RGS2: variants seen among roughly 807,000 people sequenced by gnomAD.
RGS2 encodes G0 to G1 switch regulatory 8, 24kD.
In RGS2, 20 loss-of-function variants were observed where a neutral mutation model predicts 26.6. The ratio of observed to expected loss-of-function variants is 0.75; its 90% confidence interval spans 0.53 to 1.09. The LOEUF (loss-of-function observed/expected upper bound fraction) is 1.09, where lower values mean the gene tolerates loss of function less well. Ranked by LOEUF, RGS2 falls within the 50% of genes least tolerant of loss-of-function variation. The pLI is 0.00. For synonymous variants in RGS2, 97 were observed against 79.9 expected, an observed-to-expected ratio of 1.21 and a Z score of -1.14; for missense variants, 246 against 245.5, an observed-to-expected ratio of 1.00 and a Z score of -0.01.
intron 3 of RGS2, 59 bp downstream of exon 3, chr1:192,810,490 G>C: frequency 6.7e-7 from 1 of 1,489,010 alleles, no homozygotes; most frequent in Middle Eastern, 1.9e-4. Context: ...GAAAGGCTGC[G>C]TCCACCTAAC....
At position 192,811,083 on chromosome 1, in the gene RGS2, A is replaced by G. The variant is rs1385344765; in HGVS notation, c.377A>G (p.Gln126Arg). The change falls in exon 4 of 5, where the codon CAA becomes CGA. Residue 126 changes from glutamine (Q) to arginine (R), a missense_variant. Coordinates refer to ENST00000235382, the MANE Select transcript of RGS2 (RefSeq NM_002923.4). ...CEDFKKTKSP[Q>R]KLSSKARKIY... Reference sequence around the variant, plus strand: ...GACTTCAAAAAAACCAAATCACCCCAAAAGCTGTCCTCAAAAGCAAGGAAA... The same window carrying G: ...GACTTCAAAAAAACCAAATCACCCCGAAAGCTGTCCTCAAAAGCAAGGAAA... The G allele has an allele frequency of 4.3e-6, 7 of 1,614,176 alleles. No individual in the cohort carries two copies. The South Asian group carries it at 7.7e-5, about 18-fold the overall frequency.
chr1:192,811,710 C>T lies in RGS2; in HGVS notation c.*114C>T. Reference sequence around the variant, plus strand: ...TTCAGCCTGGGTGTTCAGGAAACATCACTCAGAACTATTGATTCAAAGTTG... The same window carrying T: ...TTCAGCCTGGGTGTTCAGGAAACATTACTCAGAACTATTGATTCAAAGTTG... On this transcript the variant is annotated 3_prime_UTR_variant, in exon 5 of 5. Coordinates refer to ENST00000235382, the MANE Select transcript of RGS2 (RefSeq NM_002923.4). The T allele has an allele frequency of 9.8e-7, 1 of 1,017,548 alleles. No homozygotes were observed. Among genetic ancestry groups the T allele is most frequent in the East Asian group, 2.4e-5 (1 of 41,830 alleles). 63.0% of individuals were successfully genotyped at this position (1,017,548 alleles called of 1,614,324 possible).
In RGS2 at chr1:192,811,015, G is replaced by A. The variant is rs145396662; in HGVS notation, c.309G>A (p.Ser103=). The A allele has an allele frequency of 1.1e-4, 179 of 1,613,950 alleles. No homozygotes were observed. The highest frequency in any genetic ancestry group is 1.1e-3 in the African/African-American group (80 of 74,956). ...GLAAFRAFLK[S]EFCEENIEFW... ...CTGCATTCAGGGCTTTTTTAAAGTCGGAATTCTGTGAAGAAAATATTGAAT... is the reference window on the plus strand; with the variant it reads ...CTGCATTCAGGGCTTTTTTAAAGTCAGAATTCTGTGAAGAAAATATTGAAT... Residue 103 remains serine (S), a synonymous_variant, in exon 4 of 5, where the codon TCG becomes TCA. Coordinates refer to ENST00000235382, the MANE Select transcript of RGS2 (RefSeq NM_002923.4).
rs755076642 is a variant in RGS2, at chr1:192,810,974, C to T, written c.275-7C>T. On this transcript the variant is annotated splice_polypyrimidine_tract_variant and splice_region_variant and intron_variant, in intron 3 of 4. Coordinates refer to ENST00000235382, the MANE Select transcript of RGS2 (RefSeq NM_002923.4). ...ATTCTGCATGCTCTCTTTTCTCCCC[C>T]CTTCAGATGGTCTTGCTGCATTCAG... The T allele has an allele frequency of 3.7e-6, 6 of 1,613,498 alleles. No individual in the cohort carries two copies. The Admixed American group carries it at 6.7e-5, about 18-fold the overall frequency.
rs1362276677 is a variant in RGS2 at position 192,811,112 on chromosome 1, T to C, written c.406T>C (p.Tyr136His). Residue 136 changes from tyrosine to histidine, a missense_variant, in exon 4 of 5, where the codon TAT becomes CAT. Coordinates refer to ENST00000235382, the MANE Select transcript of RGS2 (RefSeq NM_002923.4). ...GCTGTCCTCAAAAGCAAGGAAAATA[T>C]ATACTGACTTCATAGAAAAGGAAGC... ...QKLSSKARKI[Y>H]TDFIEKEAPK... is the part of the protein sequence containing the mutation. The C allele has an allele frequency of 1.9e-6, 3 of 1,614,038 alleles. No homozygotes were observed. The highest frequency in any genetic ancestry group is 2.2e-5 in the East Asian group (1 of 44,886).
In RGS2 at chr1:192,811,301, G is replaced by T. The variant is rs975072476; in HGVS notation, c.442-101G>T. ...TTAAAGTTCTCCTGTGACTTAGCTAGTAAAGCTAATCACACATAATTTTTA... is the reference window on the plus strand; with the variant it reads ...TTAAAGTTCTCCTGTGACTTAGCTATTAAAGCTAATCACACATAATTTTTA... On this transcript the variant is annotated intron_variant, in intron 4 of 4. Transcript: ENST00000235382. 1.5e-4 allele frequency: 195 copies of T among 1,289,286 alleles called. 2 individuals carry two copies. In the South Asian group the frequency reaches 2.3e-3, roughly 15 times the overall value. 79.9% of individuals were successfully genotyped at this position (1,289,286 alleles called of 1,614,324 possible). A position where few individuals can be genotyped will look rare whatever the true frequency, so the allele number is the denominator to read the frequency against.
chr1:192,811,043 T>C lies in RGS2; in HGVS notation c.337T>C (p.Trp113Arg), dbSNP rs761395133. The change falls in exon 4 of 5, where the codon TGG (tryptophan) becomes CGG (arginine). Residue 113 changes from tryptophan (W) to arginine (R), a missense_variant. By Grantham distance (101) the Trp-to-Arg change is moderately radical. Coordinates refer to ENST00000235382, the MANE Select transcript of RGS2 (RefSeq NM_002923.4). ...ATTCTGTGAAGAAAATATTGAATTCTGGCTGGCCTGTGAAGACTTCAAAAA... is the reference window on the plus strand; with the variant it reads ...ATTCTGTGAAGAAAATATTGAATTCCGGCTGGCCTGTGAAGACTTCAAAAA... Reference protein sequence around the residue: ...SEFCEENIEFWLACEDFKKTK... With the variant: ...SEFCEENIEFRLACEDFKKTK... 5.0e-6 allele frequency: 8 copies of C among 1,614,124 alleles called. No homozygotes were observed. The highest frequency in any genetic ancestry group is 1.1e-5 in the South Asian group (1 of 91,082).
At chr1:192,810,498 A>G (rs1665574363) in intron 3 of RGS2, 67 bp downstream of exon 3, 1 of 1,419,888 alleles carries the variant, frequency 7.0e-7, no homozygotes, top group African/African-American at 1.4e-5. Flanking sequence ...GCGTCCACCT[A>G]ACAAAAGAGC....
At chr1:192,810,088 T>G (rs1394270256) in intron 1 of RGS2, 78 bp from the exon 2 acceptor site, 1 of 902,006 alleles carries the variant, frequency 1.1e-6, no homozygotes, top group Non-Finnish European at 1.8e-6. Context: ...TGACTTTATT[T>G]GGTAAAAATG....
At chr1:192,810,898 T>C in intron 3 of RGS2, 83 bp from the exon 4 acceptor site, 2 of 1,341,654 alleles carry the variant, frequency 1.5e-6, no homozygotes, top group Non-Finnish European at 1.1e-6. Context: ...ATAATTAAAA[T>C]GTGAGGGATA....
At position 192,810,985 on chromosome 1, in the gene RGS2, T is replaced by C; in HGVS notation, c.279T>C (p.Gly93=). The change falls in exon 4 of 5, where the codon GGT becomes GGC. Residue 93 remains glycine (G), a synonymous_variant. Coordinates refer to ENST00000235382, the MANE Select transcript of RGS2 (RefSeq NM_002923.4). ...AFDELLASKY[G]LAAFRAFLKS... The stretch of plus-strand genomic sequence containing the variant: ...TCTCTTTTCTCCCCCCTTCAGATGG[T>C]CTTGCTGCATTCAGGGCTTTTTTAA... 2 of 1,614,112 alleles carry C rather than the reference T, an allele frequency of 1.2e-6. No homozygotes were observed. The highest frequency in any genetic ancestry group is 8.5e-7 in the Non-Finnish European group (1 of 1,179,954).
Position 192,810,213 on chromosome 1 carries a change from C to T in RGS2, c.158C>T (p.Ser53Phe), listed in dbSNP as rs1319135304. 6.2e-7 allele frequency: 1 copy of T among 1,613,950 alleles called. No homozygotes were observed. The highest frequency in any genetic ancestry group is 1.1e-5 in the South Asian group (1 of 91,074). The change falls in exon 2 of 5, where the codon TCT becomes TTT. Residue 53 changes from serine (S) to phenylalanine (F), a missense_variant. Ser to Phe is a radical substitution (Grantham distance 155, BLOSUM62 -2). Coordinates refer to ENST00000235382, the MANE Select transcript of RGS2 (RefSeq NM_002923.4). ...TRLSYFLQNS[S>F]TPGKPKTGKK... is the part of the protein sequence containing the mutation. Reference sequence around the variant, plus strand: ...TTGAGCTACTTCTTACAAAATTCCTCTACTCCTGGGAAGCCCAAAACCGGC... The same window carrying T: ...TTGAGCTACTTCTTACAAAATTCCTTTACTCCTGGGAAGCCCAAAACCGGC...
chr1:192,810,891 A>G (rs1665579626), intron 3 of RGS2, 90 bp from the exon 4 acceptor site: 2 of 1,346,074 alleles, frequency 1.5e-6, no homozygotes, highest in Non-Finnish European at 2.1e-6. Flanking sequence ...TTTAGAAATA[A>G]TTAAAATGTG....
At position 192,810,358 on chromosome 1, in the gene RGS2, CCT is replaced by C; in HGVS notation, c.213-7_213-6del. 6.2e-7 allele frequency: 1 copy of C among 1,613,948 alleles called. No individual in the cohort carries two copies. The highest frequency in any genetic ancestry group is 2.2e-5 in the East Asian group (1 of 44,886). On this transcript the variant is annotated splice_polypyrimidine_tract_variant and intron_variant, in intron 2 of 4. Transcript: ENST00000235382. ...GATGTGCGTAAGCTAACATACAGAA[CCT>C]CTCTTGCAGGCCTTCTCCTGAGGAA... is the stretch of plus-strand genomic sequence containing the variant.
Position 192,811,952 on chromosome 1 carries a change from G to A in RGS2, c.*356G>A, listed in dbSNP as rs1306104472. On this transcript the variant is annotated 3_prime_UTR_variant, in exon 5 of 5. Coordinates refer to ENST00000235382, the MANE Select transcript of RGS2 (RefSeq NM_002923.4). ...TGGGATTATGTGGCCTTAGGTAGCT[G>A]GTTGTACATCTTTCCCTAAATCGAT... The A allele has an allele frequency of 3.1e-6, 1 of 324,076 alleles. No individual in the cohort carries two copies. The highest frequency in any genetic ancestry group is 4.5e-5 in the Admixed American group (1 of 22,090). The allele number at this position is 324,076 out of a possible 1,614,324, so 20.1% of individuals were successfully genotyped here. A position where few individuals can be genotyped will look rare whatever the true frequency, so the allele number is the denominator to read the frequency against.
At position 192,809,046 on chromosome 1, in the gene RGS2, G is replaced by T; in HGVS notation, c.-26G>T. ...TGCGACGCACGCCCAGCCGCAAACAGCCGGGGCTCCAGCGGGAGAACGATA... is the reference window on the plus strand; with the variant it reads ...TGCGACGCACGCCCAGCCGCAAACATCCGGGGCTCCAGCGGGAGAACGATA... On this transcript the variant is annotated 5_prime_UTR_variant, in exon 1 of 5. Transcript: ENST00000235382. 6.4e-7 allele frequency: 1 copy of T among 1,560,398 alleles called. No homozygotes were observed. The highest frequency in any genetic ancestry group is 2.2e-5 in the East Asian group (1 of 44,544).
intron 1 of RGS2, 92 bp from the exon 2 acceptor site, chr1:192,810,074 T>G: frequency 1.3e-6 from 1 of 797,490 alleles, no homozygotes; most frequent in South Asian, 1.4e-5. Context: ...CTCTAGTTAC[T>G]GGGTGACTTT....
At position 192,810,374 on chromosome 1, in the gene RGS2, T is replaced by G. The variant is rs781569392; in HGVS notation, c.217T>G (p.Ser73Ala). ...KSKQQAFIKP[S>A]PEEAQLWSEA... is the part of the protein sequence containing the mutation. ...CATACAGAACCTCTCTTGCAGGCCT[T>G]CTCCTGAGGAAGCACAGCTGTGGTC... The change falls in exon 3 of 5, where the codon TCT becomes GCT. Residue 73 changes from serine (S) to alanine (A), a missense_variant. Transcript: ENST00000235382. The G allele has an allele frequency of 3.1e-5, 50 of 1,614,058 alleles. No individual in the cohort carries two copies. Among genetic ancestry groups the G allele is most frequent in the African/African-American group, 1.9e-4 (14 of 74,930 alleles).
rs758347713 is a variant in RGS2, at chr1:192,811,116, C to G, written c.410C>G (p.Thr137Ser). ...TCCTCAAAAGCAAGGAAAATATATA[C>G]TGACTTCATAGAAAAGGAAGCTCCA... ...KLSSKARKIY[T>S]DFIEKEAPKE... is the part of the protein sequence containing the mutation. Residue 137 changes from threonine (T) to serine (S), a missense_variant, in exon 4 of 5, where the codon ACT becomes AGT. Thr to Ser is a moderately conservative substitution (Grantham distance 58). Coordinates refer to ENST00000235382, the MANE Select transcript of RGS2 (RefSeq NM_002923.4). 56 of 1,614,018 alleles carry G rather than the reference C, an allele frequency of 3.5e-5. No homozygotes were observed. Among genetic ancestry groups the G allele is most frequent in the Non-Finnish European group, 4.7e-5 (55 of 1,180,008 alleles).
Sources: allele counts gnomAD v4.1 joint callset, GRCh38; gene constraint gnomAD v4.1.1; transcripts MANE v1.5; gene names NCBI Gene and HGNC (gene_info 2026-07-23, HGNC 2026-07-21).